Variants in ACOX1 observed in about 807,000 individuals in gnomAD.
The protein encoded by ACOX1 is acyl-CoA oxidase 1, also known as peroxisomal acyl-coenzyme A oxidase 1.
Under a neutral mutation model 75.5 loss-of-function variants are expected in ACOX1, and 41 were observed. The observed-to-expected ratio is 0.54, with a 90% CI of 0.42 to 0.70. The LOEUF is 0.70. Ranked by LOEUF, ACOX1 falls within the 30% of genes least tolerant of loss-of-function variation. ACOX1 has a pLI of 0.00. For missense variants in ACOX1, 630 were observed against 837.5 expected (o/e 0.75, Z 3.06); for synonymous variants, 303 against 298.8 (o/e 1.01, Z -0.15).
In ACOX1 at chr17:75,950,734, C is replaced by A; in HGVS notation, c.1298+40G>T. 1 of 1,598,334 alleles carries A rather than the reference C, an allele frequency of 6.3e-7. No homozygotes were observed. Among genetic ancestry groups the A allele is most frequent in the Non-Finnish European group, 8.6e-7 (1 of 1,166,304 alleles). On this transcript the variant is annotated intron_variant, in intron 9 of 13. Transcript: ENST00000293217. This position sits in a 1 kb window ranked among gnomAD's most constrained non-coding sequence, Gnocchi z 4.3. ...AACCTAGGAAAAGGACTAGAACATT[C>A]TTATGAACAGATGGGAGGAATCGAG... is the stretch of plus-strand genomic sequence containing the variant.
intron 2 of ACOX1, among the ~76,000 whole-genome samples, chr17:75,970,100 A>G (rs550607714): frequency 8.2e-5 from 12 of 147,136 alleles, no homozygotes; most frequent in Non-Finnish European, 1.5e-4. Flanking sequence ...CAGGAGAATC[A>G]CTTCAACCAG....
In ACOX1 at chr17:75,953,437, G is replaced by C; in HGVS notation, c.944+14C>G. 1 of 1,613,180 alleles carries C rather than the reference G, an allele frequency of 6.2e-7. No homozygotes were observed. The highest frequency in any genetic ancestry group is 8.5e-7 in the Non-Finnish European group (1 of 1,179,524). ...GGCCTTTGGTACTGAGCCCATCTAG[G>C]ACCCTATCCTTACCCTGGCTTGATT... On this transcript the variant is annotated intron_variant, in intron 7 of 13. Coordinates refer to ENST00000293217, the MANE Select transcript of ACOX1 (RefSeq NM_004035.7).
chr17:75,978,875 G>C lies in ACOX1; in HGVS notation c.109+90C>G. ...CGGCTCCCCTAACGCTGGGCCAGAG[G>C]GCCTAGGCCCCACAGCGCCCCTGAC... On this transcript the variant is annotated intron_variant, in intron 1 of 13. Coordinates refer to ENST00000293217, the MANE Select transcript of ACOX1 (RefSeq NM_004035.7). The surrounding 1 kb of genome is among the most constrained non-coding windows in gnomAD (Gnocchi z 4.2). The C allele has an allele frequency of 1.3e-6, 2 of 1,599,542 alleles. No individual in the cohort carries two copies. Among genetic ancestry groups the C allele is most frequent in the Non-Finnish European group, 1.7e-6 (2 of 1,177,188 alleles).
intron 2 of ACOX1, among the ~76,000 whole-genome samples, chr17:75,967,694 A>G (rs867314672): frequency 3.8e-5 from 5 of 132,716 alleles, no homozygotes; most frequent in Non-Finnish European, 6.5e-5. Flanking sequence ...ATATATATAC[A>G]TACATATATA....
At chr17:75,956,687 CAA>C (rs60686701) in intron 4 of ACOX1, among the ~76,000 whole-genome samples, 6 of 103,916 alleles carry the variant, frequency 5.8e-5, no homozygotes, top group Non-Finnish European at 6.3e-5. Context: ...GACTCCATCT[CAA>C]AAAAAAAAAA....
intron 6 of ACOX1, among the ~76,000 whole-genome samples, chr17:75,954,868 C>A (rs928194576): frequency 4.0e-5 from 6 of 150,752 alleles, no homozygotes; most frequent in African/African-American, 1.5e-4. Flanking sequence ...CCGCGCCCAG[C>A]CTTATTCCCT....
chr17:75,953,103 A>C (rs2065789407), intron 7 of ACOX1: 1 of 279,458 alleles, frequency 3.6e-6, no homozygotes, highest in Admixed American at 4.6e-5. Flanking sequence ...TGCACAATTT[A>C]CAGTTGCTAG....
rs1300299670 is a variant in ACOX1 at position 75,949,787 on chromosome 17, A to G, written c.1409T>C (p.Val470Ala). 4 of 1,614,060 alleles carry G rather than the reference A, an allele frequency of 2.5e-6. No homozygotes were observed. In the African/African-American group the frequency reaches 4.0e-5, roughly 16 times the overall value. The change falls in exon 10 of 14, where the codon GTC becomes GCC. Residue 470 changes from valine to alanine, a missense_variant. Coordinates refer to ENST00000293217, the MANE Select transcript of ACOX1 (RefSeq NM_004035.7). ...SQRIQPQQVAVWPTMVDINSP... is the reference protein window; with the variant it reads ...SQRIQPQQVAAWPTMVDINSP... ...GTTGATATCCACCATGGTTGGCCAG[A>G]CTGCTACCTGCTGTGGCTGGATGCG...
intron 12 of ACOX1, 93 bp from the exon 13 acceptor site, chr17:75,948,550 AT>A (rs1439712218): frequency 4.4e-6 from 5 of 1,146,514 alleles, no homozygotes; most frequent in Middle Eastern, 2.9e-4. Context: ...GATGACAATT[AT>A]TTTTTTCTTT....
rs1330997494 is a variant in ACOX1 at position 75,950,918 on chromosome 17, G to A, written c.1154C>T (p.Ala385Val). The change falls in exon 9 of 14, where the codon GCA (alanine) becomes GTA (valine). Residue 385 changes from alanine to valine, a missense_variant. Transcript: ENST00000293217. This position sits in a 1 kb window ranked among gnomAD's most constrained non-coding sequence, Gnocchi z 4.3. ...AGLKAFTSWT[A>V]NTGIEACRMA... ...CCGACATGCTTCAATGCCAGTGTTT[G>A]CAGTCCAGGAGGTGAAAGCCTTCAG... 1 of 1,614,182 alleles carries A rather than the reference G, an allele frequency of 6.2e-7. No individual in the cohort carries two copies. The highest frequency in any genetic ancestry group is 1.7e-5 in the Admixed American group (1 of 60,020).
intron 12 of ACOX1, 136 bp downstream of exon 12, chr17:75,949,081 C>T (rs998977964): frequency 2.0e-6 from 2 of 1,001,128 alleles, no homozygotes; most frequent in African/African-American, 3.2e-5. Context: ...GTCTTGAACT[C>T]CTGACCTCAA....
intron 3 of ACOX1, 123 bp from the exon 4 acceptor site, chr17:75,957,689 A>C (rs988887120): frequency 4.6e-5 from 32 of 698,876 alleles, no homozygotes; most frequent in Non-Finnish European, 7.1e-5. Context: ...CTAACAAAAA[A>C]CACCTGTAGA....
rs371968812 is a variant in ACOX1, at chr17:75,955,973, G to A, written c.539-26C>T. The A allele has an allele frequency of 1.2e-5, 19 of 1,613,604 alleles. No individual in the cohort carries two copies. In the African/African-American group the frequency reaches 2.0e-4, roughly 17 times the overall value. ...CTGTAATATCAAAGAGAACAAGGGAGGGGTGGGCAAACGTTCATACATTTT... is the reference window on the plus strand; with the variant it reads ...CTGTAATATCAAAGAGAACAAGGGAAGGGTGGGCAAACGTTCATACATTTT... On this transcript the variant is annotated intron_variant, in intron 4 of 13. Coordinates refer to ENST00000293217, the MANE Select transcript of ACOX1 (RefSeq NM_004035.7).
intron 2 of ACOX1, among the ~76,000 whole-genome samples, chr17:75,968,228 A>G (rs2065957274): frequency 6.7e-6 from 1 of 148,656 alleles, no homozygotes; most frequent in Non-Finnish European, 1.5e-5. Flanking sequence ...CGAGGTCAGG[A>G]GATCGAGACC....
chr17:75,975,817 C>T (rs2066043113), intron 2 of ACOX1, among the ~76,000 whole-genome samples: 2 of 149,484 alleles, frequency 1.3e-5, no homozygotes, highest in African/African-American at 2.5e-5. Context: ...TGGCAGATGC[C>T]TCTTCACCTG....
At position 75,943,089 on chromosome 17, in the gene ACOX1, G is replaced by A. The variant is rs991071787; in HGVS notation, c.*3659C>T. Reference sequence around the variant, plus strand: ...CAAAATACAAAAATTAGCCGAGCGTGATGGCAGGTGCCTGTAATCCCAGCT... The same window carrying A: ...CAAAATACAAAAATTAGCCGAGCGTAATGGCAGGTGCCTGTAATCCCAGCT... On this transcript the variant is annotated 3_prime_UTR_variant, in exon 14 of 14. Coordinates refer to ENST00000293217, the MANE Select transcript of ACOX1 (RefSeq NM_004035.7). The A allele has an allele frequency of 6.6e-6, 1 of 151,988 alleles. No individual in the cohort carries two copies. The highest frequency in any genetic ancestry group is 6.6e-5 in the Admixed American group (1 of 15,242). The allele number at this position is 151,988 out of a possible 1,614,324, so 9.4% of individuals were successfully genotyped here. A position where few individuals can be genotyped will look rare whatever the true frequency, so the allele number is the denominator to read the frequency against.
intron 2 of ACOX1, among the ~76,000 whole-genome samples, chr17:75,967,707 CA>C (rs1455393406): frequency 1.7e-5 from 2 of 121,020 alleles, no homozygotes; most frequent in African/African-American, 6.5e-5. Flanking sequence ...CATATATATA[CA>C]TATATATATA....
intron 2 of ACOX1, among the ~76,000 whole-genome samples, chr17:75,968,889 T>C: frequency 6.8e-6 from 1 of 147,146 alleles, no homozygotes; most frequent in Admixed American, 7.0e-5. Context: ...GCCACTGCAC[T>C]CCAGCCTGAG....
rs550359777 is a variant in ACOX1 at position 75,957,288 on chromosome 17, C to G, written c.538+171G>C. 670 of 655,024 alleles carry G rather than the reference C, an allele frequency of 1.0e-3. 6 individuals are homozygous for G. The South Asian group carries it at 0.01, about 10-fold the overall frequency. The allele number at this position is 655,024 out of a possible 1,614,324, so 40.6% of individuals were successfully genotyped here. ...TAGAGATGGGGTTTCAGCATATTAA[C>G]CAGGCTGGTCTTGAATTCCTGACCT... On this transcript the variant is annotated intron_variant, in intron 4 of 13. Transcript: ENST00000293217.
Sources: allele counts gnomAD v4.1 joint callset (sites outside exome capture counted in the v4.1 genomes callset), GRCh38; gene constraint gnomAD v4.1.1; non-coding constraint Gnocchi (gnomAD v3.1); transcripts MANE v1.5; gene names NCBI Gene and HGNC (gene_info 2026-07-23, HGNC 2026-07-21).